The following CNTLN variants were observed in gnomAD, a reference collection of about 807,000 sequenced individuals.
The protein encoded by CNTLN is centlein, also known as centlein, centrosomal protein.
A neutral mutation model predicts 180.0 loss-of-function variants in CNTLN; 212 were observed. That is an observed-to-expected ratio of 1.18 (90% confidence interval 1.05 to 1.32). The LOEUF (loss-of-function observed/expected upper bound fraction) is 1.32, where lower values mean the gene tolerates loss of function less well. Among genes scored for constraint, CNTLN ranks in the 40% most tolerant of loss-of-function variants. CNTLN has a pLI of 0.00. For missense variants in CNTLN, 2,095 were observed against 1,610.9 expected (o/e 1.30, Z -5.14); for synonymous variants, 722 against 563.1 (o/e 1.28, Z -3.99).
At chr9:17,485,410 A>T (rs80079812) in intron 24 of CNTLN, among the ~76,000 whole-genome samples, 1 of 152,138 alleles carries the variant, frequency 6.6e-6, no homozygotes, top group Admixed American at 6.5e-5. Context: ...TATTATTTTC[A>T]TCCAGTGGGT....
chr9:17,234,099 C>G (rs537137145), intron 3 of CNTLN, among the ~76,000 whole-genome samples: 2 of 151,838 alleles, frequency 1.3e-5, no homozygotes, highest in Non-Finnish European at 2.9e-5. Context: ...ATGTATTCAG[C>G]GTCTAAATTA....
In CNTLN at chr9:17,466,016, G is replaced by A. The variant is rs1831724083; in HGVS notation, c.3567G>A (p.Lys1189=). The change falls in exon 22 of 26, where the codon AAG becomes AAA. Residue 1189 remains lysine (K), a synonymous_variant. Transcript: ENST00000380647. The part of the protein sequence containing the change: ...KTLTEECSNK[K]VSIDSLKQRL... Reference sequence around the variant, plus strand: ...TAACTGAAGAATGTTCCAACAAGAAGGTATCAATTGATTCACTAAAGCAAA... The same window carrying A: ...TAACTGAAGAATGTTCCAACAAGAAAGTATCAATTGATTCACTAAAGCAAA... 30 of 1,605,214 alleles carry A rather than the reference G, an allele frequency of 1.9e-5. No homozygotes were observed. Among genetic ancestry groups the A allele is most frequent in the Non-Finnish European group, 2.5e-5 (29 of 1,173,982 alleles).
intron 19 of CNTLN, among the ~76,000 whole-genome samples, chr9:17,461,070 A>G (rs1006464974): frequency 6.6e-6 from 1 of 151,602 alleles, no homozygotes; most frequent in Non-Finnish European, 1.5e-5. Flanking sequence ...AGGAGCGATA[A>G]GTAGACGTTT....
intron 6 of CNTLN, among the ~76,000 whole-genome samples, chr9:17,277,468 A>C (rs987677892): frequency 1.3e-5 from 2 of 152,078 alleles, no homozygotes; most frequent in African/African-American, 2.4e-5. Context: ...AGAATGATAA[A>C]ATAATCTGGA....
chr9:17,237,930 A>G (rs867029546), intron 5 of CNTLN, among the ~76,000 whole-genome samples: 1 of 152,138 alleles, frequency 6.6e-6, no homozygotes, highest in Non-Finnish European at 1.5e-5. Context: ...CTTAATTTTT[A>G]TATCAGTTTC....
At chr9:17,393,901 CA>C (rs1235211297) in intron 14 of CNTLN, among the ~76,000 whole-genome samples, 1 of 152,006 alleles carries the variant, frequency 6.6e-6, no homozygotes, top group African/African-American at 2.4e-5. Flanking sequence ...TGTGTGTTGC[CA>C]TTGCTATGTC....
intron 1 of CNTLN, among the ~76,000 whole-genome samples, chr9:17,137,651 A>C (rs1817812814): frequency 6.6e-6 from 1 of 152,202 alleles, no homozygotes; most frequent in African/African-American, 2.4e-5. Context: ...CAAGGCTTGA[A>C]ACATACAGTT....
intron 18 of CNTLN, among the ~76,000 whole-genome samples, chr9:17,421,192 T>C (rs1828698092): frequency 6.6e-6 from 1 of 152,156 alleles, no homozygotes; most frequent in African/African-American, 2.4e-5. Flanking sequence ...ATTGTCATAT[T>C]GAAGTCTGGC....
chr9:17,135,440 C>G lies in CNTLN; in HGVS notation c.360+15C>G. 1 of 1,582,972 alleles carries G rather than the reference C, an allele frequency of 6.3e-7. No homozygotes were observed. Among genetic ancestry groups the G allele is most frequent in the Non-Finnish European group, 8.6e-7 (1 of 1,166,692 alleles). ...CCCTGTGTCAGGTATCGAGGAGTCT[C>G]GCAGTCCCCCTTTCCCCACCACAGC... On this transcript the variant is annotated intron_variant, in intron 1 of 25. Transcript: ENST00000380647.
At chr9:17,156,020 G>A (rs1392732980) in intron 2 of CNTLN, among the ~76,000 whole-genome samples, 2 of 152,224 alleles carry the variant, frequency 1.3e-5, no homozygotes, top group South Asian at 2.1e-4. Flanking sequence ...CAGGTGAGGC[G>A]GTGCCCCACC....
At chr9:17,377,315 C>T (rs1002828896) in intron 13 of CNTLN, among the ~76,000 whole-genome samples, 3 of 152,286 alleles carry the variant, frequency 2.0e-5, no homozygotes, top group Admixed American at 1.3e-4. Context: ...CAGGCCGACG[C>T]AGGTGGATCA....
chr9:17,313,039 C>T (rs549032324), intron 8 of CNTLN, among the ~76,000 whole-genome samples: 1 of 152,128 alleles, frequency 6.6e-6, no homozygotes, highest in South Asian at 2.1e-4. Context: ...TTATGTCTTT[C>T]TGATAAATGG....
At chr9:17,226,730 C>T (rs1446016619) in intron 3 of CNTLN, among the ~76,000 whole-genome samples, 1 of 151,696 alleles carries the variant, frequency 6.6e-6, no homozygotes, top group African/African-American at 2.4e-5. Flanking sequence ...ATACTTGAAA[C>T]TGGGTAATTA....
intron 23 of CNTLN, among the ~76,000 whole-genome samples, chr9:17,482,162 A>G (rs965341475): frequency 5.3e-5 from 8 of 152,200 alleles, no homozygotes; most frequent in Admixed American, 6.5e-5. Context: ...TCAGTCAACT[A>G]TGAGAAAACA....
chr9:17,231,017 T>A (rs980638560), intron 3 of CNTLN, among the ~76,000 whole-genome samples: 7 of 152,164 alleles, frequency 4.6e-5, no homozygotes, highest in Non-Finnish European at 1.0e-4. Context: ...TCTATTTTCA[T>A]GTCTGTCTCT....
chr9:17,507,683 C>A (rs547614015), downstream of CNTLN, among the ~76,000 whole-genome samples: 44 of 152,218 alleles, frequency 2.9e-4, no homozygotes, highest in African/African-American at 1.0e-3. Flanking sequence ...TGAAATCTTT[C>A]ATCAAAAAGA....
At chr9:17,512,430 A>G in the CNTLN span, among the ~76,000 whole-genome samples, 4 of 152,228 alleles carry the variant, frequency 2.6e-5, no homozygotes, top group African/African-American at 4.8e-5. Context: ...AGAAAGTCAC[A>G]TACCACATGT....
At chr9:17,277,634 A>G (rs1393828893) in intron 6 of CNTLN, among the ~76,000 whole-genome samples, 8 of 152,248 alleles carry the variant, frequency 5.3e-5, no homozygotes, top group East Asian at 1.9e-4. Flanking sequence ...CACGTAGAGA[A>G]CCCAAAATAA....
At chr9:17,143,766 T>C (rs1023121) in intron 2 of CNTLN, among the ~76,000 whole-genome samples, 2,054 of 152,326 alleles carry the variant, frequency 0.013, 50 homozygotes, top group African/African-American at 0.047. Flanking sequence ...CCTTAGATAA[T>C]TGCAGTGTGT....
Sources: allele counts gnomAD v4.1 joint callset (sites outside exome capture counted in the v4.1 genomes callset), GRCh38; gene constraint gnomAD v4.1.1; transcripts MANE v1.5; gene names NCBI Gene and HGNC (gene_info 2026-07-23, HGNC 2026-07-21).